GATB: variants seen among roughly 807,000 people sequenced by gnomAD.
GATB encodes glutamyl-tRNA amidotransferase subunit B, also known as glutamyl-tRNA(Gln) amidotransferase subunit B, mitochondrial.
A neutral mutation model predicts 62.3 loss-of-function variants in GATB; 39 were observed. That is an observed-to-expected ratio of 0.63 (90% CI 0.48 to 0.82). The LOEUF is 0.82. Ranked by LOEUF, GATB falls within the 40% of genes least tolerant of loss-of-function variation. The pLI, the probability that GATB is intolerant of heterozygous loss-of-function variation, is 0.00. For missense variants in GATB, 670 were observed against 684.0 expected (o/e 0.98, Z 0.23); for synonymous variants, 276 against 258.9 (o/e 1.07, Z -0.63).
intron 3 of GATB, 48 bp downstream of exon 3, chr4:151,719,377 G>T: frequency 7.3e-7 from 1 of 1,366,234 alleles, no homozygotes; most frequent in Non-Finnish European, 1.0e-6. Context: ...AGCAGGGCTG[G>T]CCCAGCTCTG....
intron 7 of GATB, 145 bp downstream of exon 7, chr4:151,705,040 T>C (rs1738687075): frequency 3.3e-6 from 2 of 600,790 alleles, no homozygotes; most frequent in South Asian, 4.0e-5. Flanking sequence ...AAGGGTACAG[T>C]ACTTTTCTAA....
At chr4:151,757,428 T>C (rs1348774806) in intron 2 of GATB, among the ~76,000 whole-genome samples, 2 of 150,826 alleles carry the variant, frequency 1.3e-5, no homozygotes, top group Non-Finnish European at 3.0e-5. Flanking sequence ...AAAGTATACC[T>C]CTGCAAGCCT....
At position 151,705,268 on chromosome 4, in the gene GATB, G is replaced by C. The variant is rs1476997214; in HGVS notation, c.879C>G (p.Asp293Glu). 6.2e-7 allele frequency: 1 copy of C among 1,601,528 alleles called. No homozygotes were observed. The highest frequency in any genetic ancestry group is 8.6e-7 in the Non-Finnish European group (1 of 1,169,318). Residue 293 changes from aspartate (D) to glutamate (E), a missense_variant and splice_region_variant, in exon 7 of 13, where the codon GAC becomes GAG. Asp to Glu is a conservative substitution (Grantham distance 45, BLOSUM62 2). Transcript: ENST00000263985. ...NSIRFLAKAIDYEIQRQINEL... is the reference protein window; with the variant it reads ...NSIRFLAKAIEYEIQRQINEL... ...CATTGATTTGCCTCTGAATTTCATAGTCTAGGAAAAACACACTAATTTAGC... is the reference window on the plus strand; with the variant it reads ...CATTGATTTGCCTCTGAATTTCATACTCTAGGAAAAACACACTAATTTAGC...
intron 2 of GATB, among the ~76,000 whole-genome samples, chr4:151,729,174 T>C (rs537645401): frequency 1.2e-3 from 188 of 152,204 alleles, no homozygotes; most frequent in Non-Finnish European, 2.3e-3. Flanking sequence ...AAGAAAAAAC[T>C]GCAAACTTTC....
chr4:151,750,027 G>A (rs1455032230), intron 2 of GATB, among the ~76,000 whole-genome samples: 4 of 151,910 alleles, frequency 2.6e-5, no homozygotes, highest in Non-Finnish European at 5.9e-5. Context: ...GACTACAGAC[G>A]TCCGCCACCA....
rs137893198 is a variant in GATB at position 151,735,736 on chromosome 4, G to GTATATATATATATATATATATATATA, written c.328-16199_328-16198insTATATATATATATATATATATATATA. On this transcript the variant is annotated intron_variant, in intron 2 of 12. Coordinates refer to ENST00000263985, the MANE Select transcript of GATB (RefSeq NM_004564.3). ...AACAAGTGGATAAATAAACTGTGGT[G>GTATATATATATATATATATATATATA]TATATATATATATATATATATGATG... is the stretch of plus-strand genomic sequence containing the variant. Among the ~76,000 whole-genome samples the GTATATATATATATATATATATATATA allele has an allele frequency of 6.1e-4, 63 of 104,044 alleles. 1 individual carries two copies. Among genetic ancestry groups the GTATATATATATATATATATATATATA allele is most frequent in the African/African-American group, 2.6e-3 (61 of 23,354 alleles). The allele number at this position is 104,044 out of a possible 152,430, so 68.3% of individuals were successfully genotyped here.
chr4:151,731,904 G>GA (rs2126986658), intron 2 of GATB, among the ~76,000 whole-genome samples: 1 of 151,260 alleles, frequency 6.6e-6, no homozygotes, highest in African/African-American at 2.4e-5. Context: ...CGCCCCATCC[G>GA]GGAGGGAGGT....
chr4:151,671,211 A>G lies in GATB; in HGVS notation c.1637T>C (p.Met546Thr), dbSNP rs774623777. 13 of 1,614,138 alleles carry G rather than the reference A, an allele frequency of 8.1e-6. No homozygotes were observed. The highest frequency in any genetic ancestry group is 1.1e-5 in the Non-Finnish European group (13 of 1,180,020). ...CTTCTTCTCCAGGATCTCCTTTATC[A>G]TGACTGGATCTGCTCGGCTTTGAGT... The part of the protein sequence containing the change: ...KATQSRADPV[M>T]IKEILEKKLS... The change falls in exon 13 of 13, where the codon ATG becomes ACG. Residue 546 changes from methionine to threonine, a missense_variant. Physicochemically the swap from Met to Thr is moderately conservative, Grantham distance 81 (BLOSUM62 -1). Coordinates refer to ENST00000263985, the MANE Select transcript of GATB (RefSeq NM_004564.3).
intron 9 of GATB, among the ~76,000 whole-genome samples, chr4:151,699,294 T>G (rs1578908445): frequency 6.8e-6 from 1 of 147,112 alleles, no homozygotes; most frequent in Non-Finnish European, 1.5e-5. Flanking sequence ...GAGGCTGAGG[T>G]GGGAGGATGT....
chr4:151,715,958 A>T, intron 5 of GATB, 51 bp downstream of exon 5: 1 of 1,592,516 alleles, frequency 6.3e-7, no homozygotes, highest in Non-Finnish European at 8.6e-7. Context: ...GAGAGGTTCT[A>T]GAAGGCAGGA....
intron 2 of GATB, among the ~76,000 whole-genome samples, chr4:151,735,736 G>GTATATATATATATATATATATATATATA (rs137893198): frequency 5.8e-5 from 6 of 104,060 alleles, no homozygotes; most frequent in African/African-American, 1.7e-4. Flanking sequence ...AAACTGTGGT[G>GTATATATATATATATATATATATATATA]TATATATATA....
At chr4:151,719,842 G>C in intron 2 of GATB, 1 of 268,970 alleles carries the variant, frequency 3.7e-6, no homozygotes, top group Non-Finnish European at 7.0e-6. Flanking sequence ...AAAGCTTAGC[G>C]GAGTGGTTAC....
chr4:151,734,719 C>T (rs1739335653), intron 2 of GATB, among the ~76,000 whole-genome samples: 1 of 152,140 alleles, frequency 6.6e-6, no homozygotes, highest in Admixed American at 6.5e-5. Context: ...CAGCCTGGTA[C>T]TGGCATAAAA....
chr4:151,698,545 G>A (rs571210822), intron 9 of GATB, among the ~76,000 whole-genome samples: 3 of 152,158 alleles, frequency 2.0e-5, no homozygotes, highest in Non-Finnish European at 4.4e-5. Flanking sequence ...TTAGATTTGT[G>A]CATCTGCCCT....
At chr4:151,744,587 A>G (rs1442209299) in intron 2 of GATB, among the ~76,000 whole-genome samples, 1 of 152,150 alleles carries the variant, frequency 6.6e-6, no homozygotes. Flanking sequence ...CTGTCTCTAA[A>G]AAAAATAAAA....
Position 151,760,997 on chromosome 4 carries a change from C to G in GATB, c.-15G>C, listed in dbSNP as rs1405523342. On this transcript the variant is annotated 5_prime_UTR_variant, in exon 1 of 13. Coordinates refer to ENST00000263985, the MANE Select transcript of GATB (RefSeq NM_004564.3). ...GGCGCCGCCATTGTAACTCCAGGGT[C>G]TTGGTCAGGTGACTCAGCCTCACTA... The G allele has an allele frequency of 3.1e-6, 5 of 1,601,734 alleles. No individual in the cohort carries two copies. Among genetic ancestry groups the G allele is most frequent in the African/African-American group, 1.3e-5 (1 of 74,396 alleles).
intron 10 of GATB, among the ~76,000 whole-genome samples, chr4:151,681,028 AG>A (rs1738127906): frequency 6.6e-6 from 1 of 152,234 alleles, no homozygotes; most frequent in Admixed American, 6.5e-5. Flanking sequence ...TGTGTAAATG[AG>A]GGCTTCTGAA....
chr4:151,700,923 G>A (rs940173056), intron 9 of GATB, among the ~76,000 whole-genome samples: 8 of 152,270 alleles, frequency 5.3e-5, no homozygotes, highest in Admixed American at 1.3e-4. Flanking sequence ...TTTTGAGAAC[G>A]CAACATCCTG....
intron 5 of GATB, among the ~76,000 whole-genome samples, chr4:151,709,519 C>A (rs1738777504): frequency 6.6e-6 from 1 of 152,066 alleles, no homozygotes; most frequent in Admixed American, 6.5e-5. Flanking sequence ...GGTCTAGGAA[C>A]CCTGAGGTCA....
Sources: gnomAD v4.1 joint callset for allele counts (sites outside exome capture counted in the v4.1 genomes callset) on GRCh38, gnomAD v4.1.1 for gene constraint, MANE v1.5 for transcripts, NCBI Gene and HGNC (gene_info 2026-07-23, HGNC 2026-07-21) for gene names.